The following PSD3 variants were observed in gnomAD, a reference collection of about 807,000 sequenced individuals.
The protein encoded by PSD3 is pleckstrin and Sec7 domain containing 3, also known as PH and SEC7 domain-containing protein 3.
Under a neutral mutation model 105.5 loss-of-function variants are expected in PSD3, and 49 were observed. That is an observed-to-expected ratio of 0.46 (90% CI 0.37 to 0.59). PSD3 has a LOEUF of 0.59. PSD3 is among the 20% of genes least tolerant of loss of function. The pLI is 0.00. For missense variants in PSD3, 1,561 were observed against 1,263.8 expected (o/e 1.24, Z -3.57); for synonymous variants, 557 against 457.8 (o/e 1.22, Z -2.77).
At chr8:18,763,005 T>A (rs1180264685) in intron 9 of PSD3, 2 of 941,086 alleles carry the variant, frequency 2.1e-6, no homozygotes, top group Non-Finnish European at 3.0e-6. Flanking sequence ...GGTTTCAGCA[T>A]CTTCTCCAAT....
chr8:18,835,941 G>A (rs1452359077), intron 4 of PSD3, among the ~76,000 whole-genome samples: 2 of 152,092 alleles, frequency 1.3e-5, no homozygotes, highest in Non-Finnish European at 2.9e-5. Flanking sequence ...TTGACTCTGA[G>A]ATAAGTCAAC....
chr8:18,612,302 A>T (rs1291993642), intron 11 of PSD3, among the ~76,000 whole-genome samples: 1 of 152,166 alleles, frequency 6.6e-6, no homozygotes, highest in Non-Finnish European at 1.5e-5. Context: ...CTTCAGGTTG[A>T]CATTTCATTC....
intron 1 of PSD3, among the ~76,000 whole-genome samples, chr8:18,988,724 G>C (rs753537663): frequency 2.6e-5 from 4 of 152,154 alleles, no homozygotes; most frequent in African/African-American, 7.2e-5. Context: ...GTGTGGAAGA[G>C]AGTCCCCAAA....
At chr8:18,894,183 C>A (rs1818993989) in intron 2 of PSD3, among the ~76,000 whole-genome samples, 1 of 152,200 alleles carries the variant, frequency 6.6e-6, no homozygotes, top group Non-Finnish European at 1.5e-5. Context: ...TCTTTTCCAG[C>A]CTTTTGTACT....
At chr8:18,911,350 T>A (rs1183393220) in intron 2 of PSD3, among the ~76,000 whole-genome samples, 2 of 152,214 alleles carry the variant, frequency 1.3e-5, no homozygotes, top group African/African-American at 4.8e-5. Context: ...TAGCACACTG[T>A]CACTTGGGAG....
chr8:18,745,863 T>A (rs1169185369), intron 9 of PSD3, among the ~76,000 whole-genome samples: 1 of 152,232 alleles, frequency 6.6e-6, no homozygotes, highest in Non-Finnish European at 1.5e-5. Context: ...TCCTTATTCA[T>A]AATTTCTTTC....
intron 1 of PSD3, among the ~76,000 whole-genome samples, chr8:18,969,675 T>C (rs2129471893): frequency 6.6e-6 from 1 of 152,348 alleles, no homozygotes; most frequent in Admixed American, 6.5e-5. Context: ...ATGGGATGTT[T>C]CATAACTATT....
In PSD3 at chr8:18,665,795, G is replaced by A. The variant is rs1028072343; in HGVS notation, c.2173-10110C>T. On this transcript the variant is annotated intron_variant, in intron 9 of 15. Transcript: ENST00000327040. The stretch of plus-strand genomic sequence containing the variant: ...GAGCCTGGGAGATCAAGGCTGCAGT[G>A]AGCTGTGATCGTGCCACTGCACTTC... 2.0e-5 allele frequency among the ~76,000 whole-genome samples: 3 copies of A among 152,180 alleles called. No homozygotes were observed. In the East Asian group the frequency reaches 5.8e-4, roughly 29 times the overall value.
chr8:18,872,697 A>G lies in PSD3; in HGVS notation c.167T>C (p.Val56Ala), dbSNP rs1817472093. Reference sequence around the variant, plus strand: ...CCCATATTCTGGAAATTCATTTGTGACATTTGGTGGGAGTAAAGTGCTTCC... The same window carrying G: ...CCCATATTCTGGAAATTCATTTGTGGCATTTGGTGGGAGTAAAGTGCTTCC... Reference protein sequence around the residue: ...HGGSTLLPPNVTNEFPEYGTM... With the variant: ...HGGSTLLPPNATNEFPEYGTM... Residue 56 changes from valine to alanine, a missense_variant, in exon 3 of 16, where the codon GTC becomes GCC. Val to Ala is a moderately conservative substitution (Grantham distance 64, BLOSUM62 0). Transcript: ENST00000327040. 1 of 1,583,794 alleles carries G rather than the reference A, an allele frequency of 6.3e-7. No individual in the cohort carries two copies. The highest frequency in any genetic ancestry group is 1.4e-5 in the African/African-American group (1 of 73,676).
chr8:18,564,115 T>TC (rs1563326075), intron 14 of PSD3, among the ~76,000 whole-genome samples: 1 of 151,650 alleles, frequency 6.6e-6, no homozygotes, highest in East Asian at 1.9e-4. Context: ...CTTCTTCTTT[T>TC]TTTTTTTTAA....
At chr8:18,607,851 A>C (rs1804967550) in intron 11 of PSD3, among the ~76,000 whole-genome samples, 5 of 152,170 alleles carry the variant, frequency 3.3e-5, no homozygotes, top group Admixed American at 3.3e-4. Flanking sequence ...CAATCACGGC[A>C]GAAGGGGAAA....
chr8:18,888,286 C>T (rs191784112), intron 2 of PSD3, among the ~76,000 whole-genome samples: 5 of 152,284 alleles, frequency 3.3e-5, no homozygotes, highest in East Asian at 3.9e-4. Context: ...TGCCGACTAC[C>T]GGCATGACCT....
intron 9 of PSD3, among the ~76,000 whole-genome samples, chr8:18,659,451 C>T (rs1002315273): frequency 2.0e-5 from 3 of 152,114 alleles, no homozygotes; most frequent in South Asian, 2.1e-4. Context: ...GAAATGAAAT[C>T]CCATGTTAAT....
intron 10 of PSD3, among the ~76,000 whole-genome samples, chr8:18,638,497 T>C (rs1807429554): frequency 6.6e-6 from 1 of 151,434 alleles, no homozygotes. Flanking sequence ...CACTAACTAC[T>C]CAAAGAATTA....
At chr8:18,744,531 A>G (rs1362449253) in intron 9 of PSD3, among the ~76,000 whole-genome samples, 1 of 152,222 alleles carries the variant, frequency 6.6e-6, no homozygotes, top group East Asian at 1.9e-4. Context: ...ATTGTATACA[A>G]TGCTGCTTTT....
chr8:18,594,294 TA>T lies in PSD3; in HGVS notation c.2481+6069del, dbSNP rs1405007179. On this transcript the variant is annotated intron_variant, in intron 12 of 15. Transcript: ENST00000327040. ...TATATATATTATATAATATATATTA[TA>T]TATAATAATATATATTATTATATAT... Among the ~76,000 whole-genome samples the T allele has an allele frequency of 3.1e-3, 41 of 13,270 alleles. 6 individuals carry two copies. The highest frequency in any genetic ancestry group is 6.1e-3 in the East Asian group (2 of 330). The allele number at this position is 13,270 out of a possible 152,430, so 8.7% of individuals were successfully genotyped here.
At chr8:19,051,249 C>A (rs969069515) in intron 1 of PSD3, among the ~76,000 whole-genome samples, 2 of 136,604 alleles carry the variant, frequency 1.5e-5, no homozygotes, top group African/African-American at 4.9e-5. Flanking sequence ...GCCTCGATAA[C>A]CAGCGCTCGT....
At chr8:18,822,215 T>A (rs1039487407) in intron 4 of PSD3, among the ~76,000 whole-genome samples, 1 of 152,116 alleles carries the variant, frequency 6.6e-6, no homozygotes, top group African/African-American at 2.4e-5. Flanking sequence ...CACAGAAACT[T>A]TGGTTGAGAA....
intron 2 of PSD3, among the ~76,000 whole-genome samples, chr8:18,916,297 GATATATATATAT>G (rs71218908): frequency 0.069 from 2,128 of 30,838 alleles, 123 homozygotes; most frequent in Non-Finnish European, 0.093. Flanking sequence ...TAAAAAAAGT[GATATATATATAT>G]ATATATATAT....
Sources: allele counts gnomAD v4.1 joint callset (sites outside exome capture counted in the v4.1 genomes callset), GRCh38; gene constraint gnomAD v4.1.1; transcripts MANE v1.5; gene names NCBI Gene and HGNC (gene_info 2026-07-23, HGNC 2026-07-21).